The following FAT1 variants were observed in gnomAD, a reference collection of about 807,000 sequenced individuals.
FAT1 encodes the protein FAT atypical cadherin 1, also known as protocadherin Fat 1.
In FAT1, 171 loss-of-function variants were observed where a neutral mutation model predicts 329.8. The observed-to-expected ratio is 0.52, with a 90% CI of 0.46 to 0.59. FAT1 has a LOEUF of 0.59. FAT1 is among the 20% of genes least tolerant of loss of function. The pLI is 0.00. For missense variants in FAT1, 5,672 were observed against 5,774.4 expected, an observed-to-expected ratio of 0.98 and a Z score of 0.57; for synonymous variants, 2,233 against 2,228.6, an observed-to-expected ratio of 1.00 and a Z score of -0.06.
intron 4 of FAT1, among the ~76,000 whole-genome samples, 174 bp downstream of exon 4, chr4:186,639,548 A>G (rs927115825): frequency 2.6e-5 from 4 of 152,212 alleles, no homozygotes; most frequent in Non-Finnish European, 5.9e-5. Context: ...AGGGGACAAG[A>G]GCTATATTCA....
At position 186,619,336 on chromosome 4, in the gene FAT1, G is replaced by A. The variant is rs1739905403; in HGVS notation, c.7250C>T (p.Ala2417Val). ...HFVTCVKAYD[A>V]DSSDIDKLQY... ...CAACTTGTCTATGTCTGAACTGTCT[G>A]CATCATAGGCTTTTACACAGGTCAC... Residue 2417 changes from alanine to valine, a missense_variant, in exon 10 of 27, where the codon GCA (alanine) becomes GTA (valine). Physicochemically the swap from Ala to Val is moderately conservative, Grantham distance 64. Coordinates refer to ENST00000441802, the MANE Select transcript of FAT1 (RefSeq NM_005245.4). The A allele has an allele frequency of 1.2e-6, 2 of 1,613,924 alleles. No homozygotes were observed. Among genetic ancestry groups the A allele is most frequent in the Non-Finnish European group, 8.5e-7 (1 of 1,179,908 alleles).
chr4:186,708,701 A>G lies in FAT1; in HGVS notation c.1127T>C (p.Ile376Thr). ...KFEKDVYRAE[I>T]SEFAPPNTPV... ...TGTGTTGGGAGGAGCAAATTCACTT[A>G]TTTCTGCTCTGTAAACATCCTTTTC... The change falls in exon 2 of 27, where the codon ATA becomes ACA. Residue 376 changes from isoleucine to threonine, a missense_variant. Ile to Thr is a moderately conservative substitution (Grantham distance 89). Coordinates refer to ENST00000441802, the MANE Select transcript of FAT1 (RefSeq NM_005245.4). 1 of 1,613,848 alleles carries G rather than the reference A, an allele frequency of 6.2e-7. No homozygotes were observed. The highest frequency in any genetic ancestry group is 8.5e-7 in the Non-Finnish European group (1 of 1,179,870).
intron 3 of FAT1, among the ~76,000 whole-genome samples, chr4:186,651,132 A>G (rs1288480516): frequency 1.4e-5 from 2 of 138,630 alleles, no homozygotes; most frequent in Non-Finnish European, 1.5e-5. Flanking sequence ...ACAAATAATT[A>G]CTAAATTTAT....
intron 2 of FAT1, among the ~76,000 whole-genome samples, chr4:186,699,421 G>A (rs1203966048): frequency 6.6e-6 from 1 of 152,206 alleles, no homozygotes; most frequent in Admixed American, 6.5e-5. Context: ...CATGGTATCA[G>A]ATATTCGAGG....
intron 3 of FAT1, among the ~76,000 whole-genome samples, chr4:186,660,762 T>A (rs1742129691): frequency 6.6e-6 from 1 of 152,210 alleles, no homozygotes; most frequent in African/African-American, 2.4e-5. Flanking sequence ...ATATTAATCA[T>A]GTTTCTACAA....
chr4:186,652,368 T>C (rs1741708783), intron 3 of FAT1, among the ~76,000 whole-genome samples: 1 of 152,178 alleles, frequency 6.6e-6, no homozygotes, highest in African/African-American at 2.4e-5. Flanking sequence ...TTTTAGCAAA[T>C]AATATTCAGC....
At chr4:186,591,975 G>A (rs1455516594) in intron 26 of FAT1, among the ~76,000 whole-genome samples, 1 of 152,162 alleles carries the variant, frequency 6.6e-6, no homozygotes, top group Non-Finnish European at 1.5e-5. Context: ...GGTGAAAAAT[G>A]CAAATTCTAA....
At chr4:186,682,874 G>A (rs1314838245) in intron 2 of FAT1, among the ~76,000 whole-genome samples, 1 of 152,182 alleles carries the variant, frequency 6.6e-6, no homozygotes, top group Non-Finnish European at 1.5e-5. Flanking sequence ...CCTAGCGATG[G>A]GACTCCAGGA....
At position 186,621,243 on chromosome 4, in the gene FAT1, G is replaced by C. The variant is rs777040439; in HGVS notation, c.5343C>G (p.Asn1781Lys). Residue 1781 changes from asparagine (N) to lysine (K), a missense_variant, in exon 10 of 27, where the codon AAC (asparagine) becomes AAG (lysine). Asn to Lys is a moderately conservative substitution (Grantham distance 94). Coordinates refer to ENST00000441802, the MANE Select transcript of FAT1 (RefSeq NM_005245.4). Reference protein sequence around the residue: ...TGLISESASINSVVLTDRNVP... With the variant: ...TGLISESASIKSVVLTDRNVP... ...CATTCCTGTCTGTTAGGACCACGCT[G>C]TTAATTGAGGCTGATTCACTAATGA... is the stretch of plus-strand genomic sequence containing the variant. 1.2e-5 allele frequency: 19 copies of C among 1,614,042 alleles called. No homozygotes were observed. The highest frequency in any genetic ancestry group is 1.6e-5 in the Non-Finnish European group (19 of 1,179,888).
At chr4:186,647,585 C>T (rs1296994514) in intron 3 of FAT1, among the ~76,000 whole-genome samples, 1 of 152,178 alleles carries the variant, frequency 6.6e-6, no homozygotes, top group Non-Finnish European at 1.5e-5. Context: ...GCTCCTTTTG[C>T]AGGAAGGAGT....
rs1415414960 is a variant in FAT1 at position 186,596,066 on chromosome 4, G to GC, written c.13001-241dup. ...TAGAGTAGAAATCGCCCATAAGCATGCCTATGGGTATCATTAGACAGTAAA... is the reference window on the plus strand; with the variant it reads ...TAGAGTAGAAATCGCCCATAAGCATGCCCTATGGGTATCATTAGACAGTAAA... On this transcript the variant is annotated intron_variant, in intron 25 of 26. Transcript: ENST00000441802. The surrounding 1 kb of genome is among the most constrained non-coding windows in gnomAD (Gnocchi z 4.7). Among the ~76,000 whole-genome samples the GC allele has an allele frequency of 1.3e-5, 2 of 152,128 alleles. No homozygotes were observed. Among genetic ancestry groups the GC allele is most frequent in the Admixed American group, 6.5e-5 (1 of 15,286 alleles).
intron 2 of FAT1, among the ~76,000 whole-genome samples, chr4:186,673,280 TAA>T (rs1742813666): frequency 6.6e-6 from 1 of 152,212 alleles, no homozygotes; most frequent in Non-Finnish European, 1.5e-5. Context: ...ATGTATACAA[TAA>T]AAGTCAATTA....
chr4:186,714,227 G>C (rs879080981), intron 1 of FAT1, among the ~76,000 whole-genome samples: 1 of 151,696 alleles, frequency 6.6e-6, no homozygotes, highest in African/African-American at 2.4e-5. Flanking sequence ...GGGCACAACG[G>C]GGGTGGGGGG....
intron 5 of FAT1, 89 bp downstream of exon 5, chr4:186,636,496 A>C (rs570139413): frequency 7.3e-7 from 1 of 1,366,866 alleles, no homozygotes; most frequent in East Asian, 2.3e-5. Context: ...CCGTTTACAA[A>C]ATAGAAATAA....
chr4:186,713,659 AT>A (rs1482526026), intron 1 of FAT1, among the ~76,000 whole-genome samples: 1 of 151,510 alleles, frequency 6.6e-6, no homozygotes, highest in African/African-American at 2.4e-5. Flanking sequence ...TATTTATTCA[AT>A]TTTTTTTCTT....
chr4:186,638,614 T>TGC (rs1560957408), intron 4 of FAT1, among the ~76,000 whole-genome samples: 1 of 119,948 alleles, frequency 8.3e-6, no homozygotes, highest in Admixed American at 8.4e-5. Flanking sequence ...CAGTTCCCAA[T>TGC]GCACACACAC....
chr4:186,708,307 A>T lies in FAT1; in HGVS notation c.1521T>A (p.His507Gln), dbSNP rs752436166. 6.2e-7 allele frequency: 1 copy of T among 1,613,968 alleles called. No homozygotes were observed. The highest frequency in any genetic ancestry group is 8.5e-7 in the Non-Finnish European group (1 of 1,179,848). ...TGAAATGGTCAATCGCAAACGGCAC[A>T]TGATTTAAATTTGCGATACTGTATG... is the stretch of plus-strand genomic sequence containing the variant. ...YVTYSIANLN[H>Q]VPFAIDHFTG... The change falls in exon 2 of 27, where the codon CAT becomes CAA. Residue 507 changes from histidine (H) to glutamine (Q), a missense_variant. By Grantham distance (24) the His-to-Gln change is conservative. Around this residue, in one of 2 missense-constraint regions of FAT1, gnomAD observed 3,966 missense variants for 3,915.2 expected, o/e 1.01. Coordinates refer to ENST00000441802, the MANE Select transcript of FAT1 (RefSeq NM_005245.4).
intron 3 of FAT1, among the ~76,000 whole-genome samples, chr4:186,660,623 G>A (rs550885006): frequency 8.5e-5 from 13 of 152,316 alleles, no homozygotes; most frequent in Non-Finnish European, 1.9e-4. Flanking sequence ...CTCCCGCCGG[G>A]GCTGGGGTGT....
intron 1 of FAT1, among the ~76,000 whole-genome samples, chr4:186,721,741 C>T (rs1745477496): frequency 1.3e-5 from 2 of 152,178 alleles, no homozygotes; most frequent in African/African-American, 4.8e-5. Flanking sequence ...TTCAAAGAAA[C>T]GACTGCTTCA....
Sources: allele counts gnomAD v4.1 joint callset (sites outside exome capture counted in the v4.1 genomes callset), GRCh38; gene constraint gnomAD v4.1.1; regional missense constraint gnomAD v4.1.1; non-coding constraint Gnocchi (gnomAD v3.1); transcripts MANE v1.5; gene names NCBI Gene and HGNC (gene_info 2026-07-23, HGNC 2026-07-21).